ITIH5: variants seen among roughly 807,000 people sequenced by gnomAD.
ITIH5 encodes the protein inter-alpha-trypsin inhibitor heavy chain 5.
In ITIH5, 65 loss-of-function variants were observed where a neutral mutation model predicts 77.5. The observed-to-expected ratio is 0.84, with a 90% confidence interval of 0.69 to 1.03. The LOEUF (loss-of-function observed/expected upper bound fraction) is 1.03. ITIH5 is among the 50% of genes least tolerant of loss of function. The pLI is 0.00. For missense variants in ITIH5, 1,208 were observed against 1,213.1 expected (o/e 1.00, Z 0.06); for synonymous variants, 525 against 494.3 (o/e 1.06, Z -0.82).
rs758111650 is a variant in ITIH5 at position 7,566,425 on chromosome 10, AAAG to A, written c.2150-21_2150-19del. On this transcript the variant is annotated intron_variant, in intron 12 of 13. Transcript: ENST00000397146. ...TGTGACACCTCAAAGGCCAAGGGGA[AAAG>A]AAGAAGGTTAGAAAATCTGACCAGG... The A allele has an allele frequency of 1.5e-5, 23 of 1,577,128 alleles. No homozygotes were observed. The African/African-American group carries it at 2.6e-4, about 18-fold the overall frequency.
At chr10:7,598,586 T>C (rs1266269186) in intron 7 of ITIH5, among the ~76,000 whole-genome samples, 1 of 152,228 alleles carries the variant, frequency 6.6e-6, no homozygotes, top group African/African-American at 2.4e-5. Flanking sequence ...CACTTTCATT[T>C]ACTGCTTAAA....
At chr10:7,658,315 T>C (rs1588432922) in intron 1 of ITIH5, among the ~76,000 whole-genome samples, 1 of 152,296 alleles carries the variant, frequency 6.6e-6, no homozygotes, top group East Asian at 1.9e-4. Flanking sequence ...ACCCAAAATA[T>C]ATATATACAT....
chr10:7,564,787 CAT>C (rs1246030923), intron 13 of ITIH5, among the ~76,000 whole-genome samples: 1 of 151,122 alleles, frequency 6.6e-6, no homozygotes, highest in Non-Finnish European at 1.5e-5. Context: ...TACACACACA[CAT>C]ATATACAGAC....
intron 7 of ITIH5, among the ~76,000 whole-genome samples, chr10:7,586,609 C>A (rs1019103827): frequency 6.6e-6 from 1 of 152,122 alleles, no homozygotes; most frequent in African/African-American, 2.4e-5. Flanking sequence ...CCTTCATCTT[C>A]CTAACAGCTA....
At chr10:7,617,896 T>G (rs1458546088) in intron 5 of ITIH5, 1 of 152,230 alleles carries the variant, frequency 6.6e-6, no homozygotes, top group Non-Finnish European at 1.5e-5. Context: ...TCTTTTAATC[T>G]CCAGTGTCTG....
intron 12 of ITIH5, 193 bp downstream of exon 12, chr10:7,569,475 C>T (rs183058071): frequency 5.9e-5 from 26 of 439,184 alleles, no homozygotes; most frequent in Admixed American, 2.7e-4. Context: ...CAAGGTCACA[C>T]GGCACTTGTC....
intron 1 of ITIH5, among the ~76,000 whole-genome samples, chr10:7,662,809 A>G (rs1834299840): frequency 6.6e-6 from 1 of 152,198 alleles, no homozygotes; most frequent in South Asian, 2.1e-4. Flanking sequence ...AGCCCTGCAC[A>G]TAAGGGAGAC....
intron 7 of ITIH5, among the ~76,000 whole-genome samples, chr10:7,587,650 T>A (rs1407776989): frequency 1.3e-5 from 2 of 152,138 alleles, no homozygotes; most frequent in African/African-American, 4.8e-5. Context: ...TAAATCAGAA[T>A]CGAGATGAAA....
intron 13 of ITIH5, among the ~76,000 whole-genome samples, chr10:7,565,017 CATATATACATACATAGACTGT>C (rs1832114468): frequency 6.9e-6 from 1 of 144,486 alleles, no homozygotes; most frequent in South Asian, 2.2e-4. Context: ...TACATATATA[CATATATACATACATAGACTGT>C]ATATATATAT....
intron 12 of ITIH5, among the ~76,000 whole-genome samples, chr10:7,567,989 T>G (rs1259731724): frequency 6.6e-6 from 1 of 152,266 alleles, no homozygotes; most frequent in Non-Finnish European, 1.5e-5. Flanking sequence ...AGTTGTAAAC[T>G]GCTATGAAAT....
At chr10:7,599,508 G>A (rs924589490) in intron 7 of ITIH5, among the ~76,000 whole-genome samples, 6 of 152,148 alleles carry the variant, frequency 3.9e-5, no homozygotes, top group Admixed American at 2.0e-4. Flanking sequence ...CCTACTGCAG[G>A]TCTGGATTCT....
At position 7,563,274 on chromosome 10, in the gene ITIH5, T is replaced by C. The variant is rs1832074138; in HGVS notation, c.2638A>G (p.Thr880Ala). 2 of 1,614,220 alleles carry C rather than the reference T, an allele frequency of 1.2e-6. No individual in the cohort carries two copies. Among genetic ancestry groups the C allele is most frequent in the Admixed American group, 1.7e-5 (1 of 60,030 alleles). ...QVGEGPEAVL[T>A]VKGHQVPVVW... is the part of the protein sequence containing the mutation. ...ACTGGGACTTGGTGGCCTTTCACTG[T>C]TAGGACGGCCTCAGGCCCCTCTCCC... The change falls in exon 14 of 14, where the codon ACA becomes GCA. Residue 880 changes from threonine to alanine, a missense_variant. Coordinates refer to ENST00000397146, the MANE Select transcript of ITIH5 (RefSeq NM_030569.7).
intron 5 of ITIH5, among the ~76,000 whole-genome samples, chr10:7,632,622 C>T (rs1051699143): frequency 2.0e-5 from 3 of 152,054 alleles, no homozygotes; most frequent in Non-Finnish European, 4.4e-5. Flanking sequence ...TTTTAATATA[C>T]ATGTATAGAA....
At chr10:7,618,890 T>G (rs1833421941) in intron 5 of ITIH5, 1 of 152,246 alleles carries the variant, frequency 6.6e-6, no homozygotes, top group Non-Finnish European at 1.5e-5. Flanking sequence ...ACAATTTAGG[T>G]GTAACCTTAA....
chr10:7,572,570 C>G (rs1484071794), intron 11 of ITIH5, among the ~76,000 whole-genome samples: 1 of 152,094 alleles, frequency 6.6e-6, no homozygotes, highest in South Asian at 2.1e-4. Context: ...TGCCACCCAT[C>G]TATTGGGTGG....
chr10:7,566,210 T>G lies in ITIH5; in HGVS notation c.2347A>C (p.Ser783Arg), dbSNP rs140002664. Residue 783 changes from serine to arginine, a missense_variant, in exon 13 of 14, where the codon AGC becomes CGC. Coordinates refer to ENST00000397146, the MANE Select transcript of ITIH5 (RefSeq NM_030569.7). Reference protein sequence around the residue: ...LPCNQSVVVGSWGLEVSVSAN... With the variant: ...LPCNQSVVVGRWGLEVSVSAN... ...GACACGGACACCTCCAGCCCCCAGCTCCCCACCACCACACTCTGGTTGCAG... is the reference window on the plus strand; with the variant it reads ...GACACGGACACCTCCAGCCCCCAGCGCCCCACCACCACACTCTGGTTGCAG... 3.1e-6 allele frequency: 5 copies of G among 1,613,652 alleles called. No individual in the cohort carries two copies. In the African/African-American group the frequency reaches 5.3e-5, roughly 17 times the overall value.
intron 7 of ITIH5, among the ~76,000 whole-genome samples, chr10:7,610,585 C>T (rs1833224891): frequency 6.6e-6 from 1 of 152,148 alleles, no homozygotes; most frequent in Non-Finnish European, 1.5e-5. Context: ...GACAAATGTC[C>T]CACATTGCCA....
rs1832076922 is a variant in ITIH5, at chr10:7,563,368, C to T, written c.2544G>A (p.Gln848=). 1.2e-6 allele frequency: 2 copies of T among 1,612,862 alleles called. No individual in the cohort carries two copies. Among genetic ancestry groups the T allele is most frequent in the Non-Finnish European group, 1.7e-6 (2 of 1,178,990 alleles). ...CHGLLGQFLN[Q]DARLTEDPAG... ...CAGGGTCTTCTGTGAGTCTGGCATC[C>T]TGATTCAGGAACTGACCTGGGAGGA... The change falls in exon 14 of 14, where the codon CAG becomes CAA. Residue 848 remains glutamine, a synonymous_variant. Transcript: ENST00000397146.
chr10:7,666,762 G>T (rs764717218), intron 1 of ITIH5, 41 bp downstream of exon 1: 22 of 1,546,294 alleles, frequency 1.4e-5, no homozygotes, highest in Non-Finnish European at 5.3e-6. Flanking sequence ...AGGGAAGGGG[G>T]CGGCCGCGCC....
Sources: gnomAD v4.1 joint callset for allele counts (sites outside exome capture counted in the v4.1 genomes callset) on GRCh38, gnomAD v4.1.1 for gene constraint, MANE v1.5 for transcripts, NCBI Gene and HGNC (gene_info 2026-07-23, HGNC 2026-07-21) for gene names.